Variants in CLDN6 observed in about 807,000 individuals in gnomAD.
CLDN6 encodes the protein claudin-6.
For synonymous variants in CLDN6, 144 were observed against 131.2 expected (o/e 1.10, Z -0.67); for missense variants, 279 against 284.1 (o/e 0.98, Z 0.13).
chr16:3,015,967 C>T lies in CLDN6; in HGVS notation c.55G>A (p.Val19Met), dbSNP rs772914144. Residue 19 changes from valine (V) to methionine (M), a missense_variant, in exon 2 of 2, where the codon GTG becomes ATG. Transcript: ENST00000328796. The part of the protein sequence containing the change: ...LGVVLTLLGW[V>M]NGLVSCALPM... ...AGGGCACAGGAGACCAGGCCATTCA[C>T]CCAGCCCAGCAGTGTCAGGACGACT... The T allele has an allele frequency of 6.2e-7, 1 of 1,614,090 alleles. No individual in the cohort carries two copies.
In CLDN6 at chr16:3,015,845, G is replaced by T; in HGVS notation, c.177C>A (p.Thr59=). The T allele has an allele frequency of 6.2e-7, 1 of 1,614,208 alleles. No individual in the cohort carries two copies. Among genetic ancestry groups the T allele is most frequent in the South Asian group, 1.1e-5 (1 of 91,088 alleles). ...CGTACACCTTGCACTGCATCTGGCC[G>T]GTGCTCTGCACCACGCAGGACATCC... ...GLWMSCVVQS[T]GQMQCKVYDS... The change falls in exon 2 of 2, where the codon ACC becomes ACA. Residue 59 remains threonine, a synonymous_variant. Transcript: ENST00000328796.
Position 3,015,995 on chromosome 16 carries a change from C to T in CLDN6, c.27G>A (p.Leu9=). MASAGMQI[L]GVVLTLLGWV... is the part of the protein sequence containing the mutation. ...AGCCCAGCAGTGTCAGGACGACTCC[C>T]AGGATCTGCATTCCGGCAGAGGCCA... Residue 9 remains leucine (L), a synonymous_variant, in exon 2 of 2, where the codon CTG becomes CTA. Transcript: ENST00000328796. 6.2e-7 allele frequency: 1 copy of T among 1,613,910 alleles called. No individual in the cohort carries two copies.
In CLDN6 at chr16:3,015,529, A is replaced by T. The variant is rs1476844239; in HGVS notation, c.493T>A (p.Tyr165Asn). 6.2e-7 allele frequency: 1 copy of T among 1,612,898 alleles called. No homozygotes were observed. Among genetic ancestry groups the T allele is most frequent in the South Asian group, 1.1e-5 (1 of 91,084 alleles). The change falls in exon 2 of 2, where the codon TAC (tyrosine) becomes AAC (asparagine). Residue 165 changes from tyrosine to asparagine, a missense_variant. Physicochemically the swap from Tyr to Asn is moderately radical, Grantham distance 143 (BLOSUM62 -2). Coordinates refer to ENST00000328796, the MANE Select transcript of CLDN6 (RefSeq NM_021195.5). ...AGGCCTGAGGCCGCCCAGCCCAAGT[A>T]GAGGGAGGCCCCCAGCTCCCGCTTT... ...AQKRELGASL[Y>N]LGWAASGLLL...
intron 1 of CLDN6, among the ~76,000 whole-genome samples, chr16:3,016,529 A>C (rs150579651): frequency 6.6e-6 from 1 of 152,104 alleles, no homozygotes; most frequent in Non-Finnish European, 1.5e-5. Context: ...GGCCCAGGCT[A>C]GAGTGCAGTG....
chr16:3,016,086 C>G (rs950483288), intron 1 of CLDN6, 44 bp from the exon 2 acceptor site: 17 of 1,541,906 alleles, frequency 1.1e-5, no homozygotes, highest in Non-Finnish European at 1.4e-5. Context: ...CCTGGCAGGC[C>G]CAGACCTCAG....
At chr16:3,016,109 C>T in intron 1 of CLDN6, 67 bp from the exon 2 acceptor site, 1 of 1,440,314 alleles carries the variant, frequency 6.9e-7, no homozygotes, top group Admixed American at 2.1e-5. Context: ...CACATGTGGA[C>T]AGGACTCTAG....
chr16:3,015,563 A>G lies in CLDN6; in HGVS notation c.459T>C (p.Ala153=). 6.2e-7 allele frequency: 1 copy of G among 1,613,096 alleles called. No individual in the cohort carries two copies. The highest frequency in any genetic ancestry group is 8.5e-7 in the Non-Finnish European group (1 of 1,179,982). ...CCCCCAGCTCCCGCTTTTGGGCCTCAGCCACCAGGGGGTTATAGAAGTCCC... is the reference window on the plus strand; with the variant it reads ...CCCCCAGCTCCCGCTTTTGGGCCTCGGCCACCAGGGGGTTATAGAAGTCCC... ...IIRDFYNPLV[A]EAQKRELGAS... is the part of the protein sequence containing the mutation. The change falls in exon 2 of 2, where the codon GCT becomes GCC. Residue 153 remains alanine (A), a synonymous_variant. Transcript: ENST00000328796.
At chr16:3,016,550 C>T (rs899426014) in intron 1 of CLDN6, among the ~76,000 whole-genome samples, 3 of 152,128 alleles carry the variant, frequency 2.0e-5, no homozygotes, top group African/African-American at 7.2e-5. Flanking sequence ...GTGCCATCTC[C>T]ACTCACTGCA....
chr16:3,017,981 G>A (rs1208845040), intron 1 of CLDN6, among the ~76,000 whole-genome samples, 168 bp downstream of exon 1: 1 of 151,790 alleles, frequency 6.6e-6, no homozygotes, highest in Non-Finnish European at 1.5e-5. Context: ...AGCCCCGAAG[G>A]ACCCTATCAC....
At position 3,015,641 on chromosome 16, in the gene CLDN6, G is replaced by A; in HGVS notation, c.381C>T (p.Ile127=). ...LVLTSGIVFV[I]SGVLTLIPVC... Reference sequence around the variant, plus strand: ...CGGGGATTAGCGTCAGGACCCCTGAGATGACAAAGACAATCCCAGAGGTGA... The same window carrying A: ...CGGGGATTAGCGTCAGGACCCCTGAAATGACAAAGACAATCCCAGAGGTGA... The change falls in exon 2 of 2, where the codon ATC becomes ATT. Residue 127 remains isoleucine (I), a synonymous_variant. Coordinates refer to ENST00000328796, the MANE Select transcript of CLDN6 (RefSeq NM_021195.5). 1.2e-6 allele frequency: 2 copies of A among 1,613,398 alleles called. No homozygotes were observed. The highest frequency in any genetic ancestry group is 2.2e-5 in the South Asian group (2 of 91,090).
rs1433101642 is a variant in CLDN6, at chr16:3,016,276, G to A, written c.-21-234C>T. 2.6e-5 allele frequency among the ~76,000 whole-genome samples: 4 copies of A among 152,240 alleles called. No individual in the cohort carries two copies. In the East Asian group the frequency reaches 7.7e-4, roughly 29 times the overall value. ...GGCACTGGCTGATGACAGTGACTGT[G>A]CAAGCAGCCCTGCCCTGGCTATCCT... On this transcript the variant is annotated intron_variant, in intron 1 of 1. Transcript: ENST00000328796.
chr16:3,015,365 G>A lies in CLDN6; in HGVS notation c.657C>T (p.Tyr219=), dbSNP rs532562507. The A allele has an allele frequency of 1.6e-5, 24 of 1,521,448 alleles. No homozygotes were observed. The highest frequency in any genetic ancestry group is 1.3e-4 in the South Asian group (10 of 75,152). The allele number at this position is 1,521,448 out of a possible 1,614,324, so 94.2% of individuals were successfully genotyped here. A position where few individuals can be genotyped will look rare whatever the true frequency, so the allele number is the denominator to read the frequency against. The stretch of plus-strand genomic sequence containing the variant: ...GCCCCCATTCCCCTCCACGTCAGAC[G>A]TAATTCTTGGTAGGGTACTCAGAGG... ...RGPSEYPTKN[Y]V The change falls in exon 2 of 2, where the codon TAC becomes TAT. Residue 219 remains tyrosine (Y), a synonymous_variant. Transcript: ENST00000328796.
chr16:3,016,670 C>T (rs1402779429), intron 1 of CLDN6, among the ~76,000 whole-genome samples: 1 of 121,214 alleles, frequency 8.2e-6, no homozygotes, highest in Non-Finnish European at 1.7e-5. Flanking sequence ...TTTTTTAAGA[C>T]GGAGTCTCGC....
At chr16:3,017,861 GGA>G (rs994649800) in intron 1 of CLDN6, among the ~76,000 whole-genome samples, 11 of 151,774 alleles carry the variant, frequency 7.2e-5, no homozygotes, top group African/African-American at 2.4e-4. Context: ...CAGGTGAGGG[GGA>G]GGGGGGAGGG....
intron 1 of CLDN6, among the ~76,000 whole-genome samples, chr16:3,016,944 G>C (rs528379348): frequency 1.3e-5 from 2 of 151,944 alleles, no homozygotes; most frequent in African/African-American, 4.8e-5. Flanking sequence ...CACCACACCT[G>C]GTCTTAATTT....
chr16:3,017,115 G>C (rs1190500969), intron 1 of CLDN6, among the ~76,000 whole-genome samples: 1 of 152,096 alleles, frequency 6.6e-6, no homozygotes, highest in African/African-American at 2.4e-5. Flanking sequence ...ACTAAGATTG[G>C]AGATCCTAAG....
rs766873767 is a variant in CLDN6 at position 3,015,430 on chromosome 16, C to G, written c.592G>C (p.Ala198Pro). The part of the protein sequence containing the change: ...GGSQGPSHYM[A>P]RYSTSAPAIS... ...GCAGGGGCAGATGTTGAGTAGCGGGCCATGTAATGGCTGGGGCCCTGGGAC... is the reference window on the plus strand; with the variant it reads ...GCAGGGGCAGATGTTGAGTAGCGGGGCATGTAATGGCTGGGGCCCTGGGAC... The change falls in exon 2 of 2, where the codon GCC becomes CCC. Residue 198 changes from alanine to proline, a missense_variant. Transcript: ENST00000328796. The G allele has an allele frequency of 7.7e-6, 12 of 1,554,498 alleles. No homozygotes were observed. The highest frequency in any genetic ancestry group is 1.4e-5 in the African/African-American group (1 of 72,674).
At position 3,015,667 on chromosome 16, in the gene CLDN6, G is replaced by A. The variant is rs2072561593; in HGVS notation, c.355C>T (p.Leu119Phe). ...ATGACAAAGACAATCCCAGAGGTGA[G>A]CACCAGGCGGGCCTTGGAATCCTTC... ...EEKDSKARLVLTSGIVFVISG... is the reference protein window; with the variant it reads ...EEKDSKARLVFTSGIVFVISG... The change falls in exon 2 of 2, where the codon CTC becomes TTC. Residue 119 changes from leucine to phenylalanine, a missense_variant. By Grantham distance (22) the Leu-to-Phe change is conservative. Transcript: ENST00000328796. 1.2e-6 allele frequency: 2 copies of A among 1,613,426 alleles called. No homozygotes were observed. The highest frequency in any genetic ancestry group is 3.3e-5 in the Admixed American group (2 of 60,006).
In CLDN6 at chr16:3,015,070, C is replaced by T. The variant is rs1424195495; in HGVS notation, c.*289G>A. The stretch of plus-strand genomic sequence containing the variant: ...TTGCAAAGCCAGCACAGCAAGCAGC[C>T]TCCGCATTAGTTCCATAGCTTGACT... On this transcript the variant is annotated 3_prime_UTR_variant, in exon 2 of 2. Transcript: ENST00000328796. 9 of 434,542 alleles carry T rather than the reference C, an allele frequency of 2.1e-5. No homozygotes were observed. The highest frequency in any genetic ancestry group is 1.2e-3 in the Middle Eastern group (2 of 1,696). The allele number at this position is 434,542 out of a possible 1,614,324, so 26.9% of individuals were successfully genotyped here.
Sources: gnomAD v4.1 joint callset for allele counts (sites outside exome capture counted in the v4.1 genomes callset) on GRCh38, gnomAD v4.1.1 for gene constraint, MANE v1.5 for transcripts, NCBI Gene and HGNC (gene_info 2026-07-23, HGNC 2026-07-21) for gene names.